The following SMARCA4 variants were observed in gnomAD, a reference collection of about 807,000 sequenced individuals.
SMARCA4 encodes the protein SWI/SNF-related matrix-associated actin-dependent regulator of chromatin subfamily A member 4.
Under a neutral mutation model 193.9 loss-of-function variants are expected in SMARCA4, and 31 were observed. The observed-to-expected ratio is 0.16, with a 90% CI of 0.12 to 0.22. The LOEUF (loss-of-function observed/expected upper bound fraction) is 0.22, where lower values mean the gene tolerates loss of function less well. Ranked by LOEUF, SMARCA4 falls within the 10% of genes least tolerant of loss-of-function variation. The pLI is 1.00. For missense variants in SMARCA4, 1,148 were observed against 2,296.0 expected (o/e 0.50, Z 10.22); for synonymous variants, 942 against 933.1 (o/e 1.01, Z -0.17).
At chr19:11,053,644 T>A (rs2076388055) in intron 30 of SMARCA4, among the ~76,000 whole-genome samples, 1 of 152,098 alleles carries the variant, frequency 6.6e-6, no homozygotes, top group Non-Finnish European at 1.5e-5. Flanking sequence ...GCGCAGTGAC[T>A]CACACCTGTA....
At chr19:11,035,207 C>G (rs1006474534) in intron 29 of SMARCA4, 75 bp downstream of exon 29, 3 of 1,376,090 alleles carry the variant, frequency 2.2e-6, no homozygotes, top group Admixed American at 3.9e-5. Context: ...GGCCCACCGC[C>G]AGGACTCAGG....
chr19:10,971,774 C>CTTT (rs35918034), intron 1 of SMARCA4, among the ~76,000 whole-genome samples: 6 of 128,432 alleles, frequency 4.7e-5, no homozygotes, highest in South Asian at 5.1e-4. Context: ...ACCCTGAATA[C>CTTT]TTTTTTTTTT....
At chr19:10,965,306 G>A (rs1856845687) in intron 1 of SMARCA4, 1 of 152,214 alleles carries the variant, frequency 6.6e-6, no homozygotes, top group African/African-American at 2.4e-5. Context: ...CTAGTACCCA[G>A]CTTGTAGGAT....
At chr19:11,048,384 A>C (rs1309133464) in intron 30 of SMARCA4, among the ~76,000 whole-genome samples, 1 of 152,176 alleles carries the variant, frequency 6.6e-6, no homozygotes, top group Admixed American at 6.5e-5. Context: ...GGTGCACACC[A>C]CCATCATGCC....
At chr19:11,021,456 C>T in intron 18 of SMARCA4, 1 of 578,618 alleles carries the variant, frequency 1.7e-6, no homozygotes, top group Non-Finnish European at 3.2e-6. Flanking sequence ...GCAGGGAAGC[C>T]AGATTGCTTT....
intron 34 of SMARCA4, among the ~76,000 whole-genome samples, chr19:11,060,984 TA>T (rs1035856587): frequency 3.9e-5 from 6 of 152,032 alleles, no homozygotes; most frequent in Admixed American, 2.0e-4. Flanking sequence ...CTCTCTTGCC[TA>T]ATCCAGAGCA....
chr19:11,008,159 C>A (rs896540385), intron 14 of SMARCA4, 136 bp downstream of exon 14: 8 of 829,266 alleles, frequency 9.6e-6, no homozygotes, highest in Non-Finnish European at 1.6e-5. Flanking sequence ...CTACAGAGAC[C>A]AAATTTATTT....
chr19:10,987,682 T>A lies in SMARCA4; in HGVS notation c.876T>A (p.Ala292=), dbSNP rs1599965966. The A allele has an allele frequency of 1.2e-6, 2 of 1,613,014 alleles. No individual in the cohort carries two copies. Among genetic ancestry groups the A allele is most frequent in the Non-Finnish European group, 1.7e-6 (2 of 1,179,816 alleles). Residue 292 remains alanine, a synonymous_variant, in exon 6 of 35, where the codon GCT becomes GCA. Transcript: ENST00000344626. The surrounding 1 kb of genome is among the most constrained non-coding windows in gnomAD (Gnocchi z 5.3). ...KPWPEGPMAN[A]AAPTSTPQKL... ...TTCTCCCAGGACCCATGGCGAATGC[T>A]GCTGCCCCCACGAGCACCCCTCAGA...
chr19:11,010,302 C>T (rs2146228527), intron 14 of SMARCA4, 79 bp from the exon 15 acceptor site: 1 of 1,514,970 alleles, frequency 6.6e-7, no homozygotes, highest in Non-Finnish European at 9.1e-7. Context: ...GGCCACTCCG[C>T]AGAGCTTGTG....
chr19:10,961,334 G>C (rs1221070094), intron 1 of SMARCA4, 160 bp downstream of exon 1: 4 of 150,058 alleles, frequency 2.7e-5, no homozygotes, highest in Admixed American at 1.3e-4. Context: ...GCAGCCGCGC[G>C]CGTGGGGAAG....
chr19:11,032,848 G>A (rs2075019849), intron 25 of SMARCA4, among the ~76,000 whole-genome samples: 2 of 152,144 alleles, frequency 1.3e-5, no homozygotes, highest in Admixed American at 1.3e-4. Context: ...ACCTGGTTCC[G>A]GTTCTGTGTG....
intron 29 of SMARCA4, among the ~76,000 whole-genome samples, chr19:11,035,569 C>A (rs73013175): frequency 6.6e-6 from 1 of 152,308 alleles, no homozygotes; most frequent in Admixed American, 6.5e-5. Context: ...CAAGTCCCCC[C>A]CCATGAGCTG....
chr19:11,011,237 T>C (rs538521962), intron 15 of SMARCA4: 6 of 153,950 alleles, frequency 3.9e-5, no homozygotes, highest in Admixed American at 1.3e-4. Flanking sequence ...CTTTTCTTTT[T>C]TTTTTTTGAA....
In SMARCA4 at chr19:11,031,798, A is replaced by G. The variant is rs1345649494; in HGVS notation, c.3546+905A>G. Reference sequence around the variant, plus strand: ...CTCTTTCTCTCAGAGTGCTTGTGCAAACACCCTAGGTCTGCGCAGCCCTCA... The same window carrying G: ...CTCTTTCTCTCAGAGTGCTTGTGCAGACACCCTAGGTCTGCGCAGCCCTCA... On this transcript the variant is annotated intron_variant, in intron 25 of 34. Coordinates refer to ENST00000344626, the MANE Select transcript of SMARCA4 (RefSeq NM_003072.5). The surrounding 1 kb of genome is among the most constrained non-coding windows in gnomAD (Gnocchi z 4.3). 1 of 152,152 alleles carries G rather than the reference A, an allele frequency of 6.6e-6. No homozygotes were observed. Among genetic ancestry groups the G allele is most frequent in the African/African-American group, 2.4e-5 (1 of 41,410 alleles). The allele number at this position is 152,152 out of a possible 1,614,324, so 9.4% of individuals were successfully genotyped here.
intron 1 of SMARCA4, among the ~76,000 whole-genome samples, chr19:10,975,174 C>A (rs1467488491): frequency 6.7e-6 from 1 of 150,294 alleles, no homozygotes; most frequent in African/African-American, 2.4e-5. Context: ...GCACCATTAC[C>A]CCTGGCTGAC....
In SMARCA4 at chr19:10,984,092, A is replaced by G; in HGVS notation, c.-31-29A>G. ...TGTCCTGCCTCGCCCTTGGTCATGAACCCCAGACTGACCAGGACTGTCTTC... is the reference window on the plus strand; with the variant it reads ...TGTCCTGCCTCGCCCTTGGTCATGAGCCCCAGACTGACCAGGACTGTCTTC... On this transcript the variant is annotated intron_variant, in intron 1 of 34. Transcript: ENST00000344626. This position sits in a 1 kb window ranked among gnomAD's most constrained non-coding sequence, Gnocchi z 4.3. The G allele has an allele frequency of 6.2e-7, 1 of 1,606,266 alleles. No individual in the cohort carries two copies. Among genetic ancestry groups the G allele is most frequent in the Admixed American group, 1.7e-5 (1 of 59,842 alleles).
intron 29 of SMARCA4, chr19:11,040,145 C>T (rs2075509642): frequency 6.6e-6 from 1 of 151,682 alleles, no homozygotes; most frequent in African/African-American, 2.4e-5. Flanking sequence ...TGTGGTGGCA[C>T]GTACCTGTAA....
chr19:11,006,959 C>T (rs190754213), intron 13 of SMARCA4, among the ~76,000 whole-genome samples: 4 of 151,890 alleles, frequency 2.6e-5, no homozygotes, highest in East Asian at 3.9e-4. Context: ...TCATAGTGCA[C>T]GCCTGTGGTC....
intron 13 of SMARCA4, among the ~76,000 whole-genome samples, chr19:11,004,672 ATGACAG>A (rs1255377489): frequency 4.6e-5 from 7 of 152,200 alleles, no homozygotes; most frequent in African/African-American, 1.7e-4. Context: ...TTCAGCTAGT[ATGACAG>A]TGACTGCTTT....
Sources: gnomAD v4.1 joint callset for allele counts (sites outside exome capture counted in the v4.1 genomes callset) on GRCh38, gnomAD v4.1.1 for gene constraint, Gnocchi (gnomAD v3.1) non-coding constraint, MANE v1.5 for transcripts, NCBI Gene and HGNC (gene_info 2026-07-23, HGNC 2026-07-21) for gene names.